RCSD1: variants seen among roughly 807,000 people sequenced by gnomAD.
RCSD1 encodes RCSD domain containing 1, also known as capZ-interacting protein.
Under a neutral mutation model 42.5 loss-of-function variants are expected in RCSD1, and 26 were observed. The ratio of observed to expected loss-of-function variants is 0.61; its 90% confidence interval spans 0.45 to 0.85. The LOEUF is 0.85. Ranked by LOEUF, RCSD1 falls within the 40% of genes least tolerant of loss-of-function variation. RCSD1 has a pLI of 0.00. For missense variants in RCSD1, 571 were observed against 528.3 expected (o/e 1.08, Z -0.79); for synonymous variants, 220 against 212.2 (o/e 1.04, Z -0.32).
intron 1 of RCSD1, among the ~76,000 whole-genome samples, chr1:167,675,417 G>A (rs1658926744): frequency 6.6e-6 from 1 of 152,042 alleles, no homozygotes; most frequent in Admixed American, 6.5e-5. Flanking sequence ...GATTTCATGA[G>A]ACTTATTCAC....
intron 1 of RCSD1, among the ~76,000 whole-genome samples, chr1:167,671,441 GC>G (rs1391157973): frequency 2.0e-5 from 3 of 152,116 alleles, no homozygotes; most frequent in African/African-American, 7.2e-5. Flanking sequence ...CCCGGAAGGG[GC>G]CAGCCCTTAT....
In RCSD1 at chr1:167,707,814, C is replaced by T. The variant is rs927827761; in HGVS notation, c.*3118C>T. Among the ~76,000 whole-genome samples the T allele has an allele frequency of 3.9e-5, 6 of 152,134 alleles. No individual in the cohort carries two copies. Among genetic ancestry groups the T allele is most frequent in the African/African-American group, 1.4e-4 (6 of 41,434 alleles). ...CCCAAGTACTGCAGTTACTTTTGCA[C>T]CAACCTAATAGCTCGGATTACAAGT... On this transcript the variant is annotated 3_prime_UTR_variant, in exon 7 of 7. Coordinates refer to ENST00000367854, the MANE Select transcript of RCSD1 (RefSeq NM_052862.4).
At chr1:167,677,337 T>C (rs571925140) in intron 1 of RCSD1, among the ~76,000 whole-genome samples, 2 of 152,344 alleles carry the variant, frequency 1.3e-5, no homozygotes, top group East Asian at 3.9e-4. Context: ...TCAGGATTTC[T>C]TACCCTCTAT....
chr1:167,680,568 C>A (rs1282726935), intron 1 of RCSD1, among the ~76,000 whole-genome samples: 2 of 152,080 alleles, frequency 1.3e-5, no homozygotes, highest in African/African-American at 4.8e-5. Context: ...GCAGCCTCGA[C>A]CAACTGGGCC....
intron 4 of RCSD1, among the ~76,000 whole-genome samples, chr1:167,690,847 G>T (rs1336375174): frequency 6.6e-6 from 1 of 152,128 alleles, no homozygotes; most frequent in Non-Finnish European, 1.5e-5. Flanking sequence ...GGACAAATTT[G>T]TTATTTGGGA....
chr1:167,658,619 C>T (rs60113997), intron 1 of RCSD1, among the ~76,000 whole-genome samples: 2,025 of 151,790 alleles, frequency 0.013, 47 homozygotes, highest in African/African-American at 0.047. Context: ...TTTGGAGAGA[C>T]GGAGTTCCAC....
At chr1:167,638,326 T>C (rs1353495381) in intron 1 of RCSD1, 1 of 152,256 alleles carries the variant, frequency 6.6e-6, no homozygotes, top group African/African-American at 2.4e-5. Context: ...ATGCCTACTA[T>C]ATATAGATGC....
intron 1 of RCSD1, among the ~76,000 whole-genome samples, chr1:167,635,439 C>T (rs1421089152): frequency 2.6e-5 from 4 of 152,132 alleles, no homozygotes; most frequent in Admixed American, 2.6e-4. Context: ...AAGGGCCCAG[C>T]CCAGGCCCTA....
At chr1:167,654,342 T>C (rs915119794) in intron 1 of RCSD1, among the ~76,000 whole-genome samples, 2 of 152,236 alleles carry the variant, frequency 1.3e-5, no homozygotes, top group South Asian at 2.1e-4. Context: ...AGGGATTATA[T>C]ACCATAGGGA....
intron 1 of RCSD1, among the ~76,000 whole-genome samples, chr1:167,683,404 T>C (rs1659131756): frequency 6.6e-6 from 1 of 152,246 alleles, no homozygotes; most frequent in African/African-American, 2.4e-5. Flanking sequence ...CACTGTGCTA[T>C]CTGCTCTCGT....
chr1:167,660,685 G>T (rs1658521522), intron 1 of RCSD1, among the ~76,000 whole-genome samples: 1 of 152,006 alleles, frequency 6.6e-6, no homozygotes, highest in African/African-American at 2.4e-5. Flanking sequence ...TGTTGTCCAG[G>T]GTGTTCTTGA....
chr1:167,658,053 G>A (rs529338405), intron 1 of RCSD1, among the ~76,000 whole-genome samples: 8 of 152,038 alleles, frequency 5.3e-5, no homozygotes, highest in Admixed American at 3.3e-4. Flanking sequence ...TCAGTCTCTC[G>A]AGTAACTGGG....
At chr1:167,650,401 C>T (rs943619162) in intron 1 of RCSD1, among the ~76,000 whole-genome samples, 1 of 152,170 alleles carries the variant, frequency 6.6e-6, no homozygotes, top group Non-Finnish European at 1.5e-5. Flanking sequence ...AAGCTCTGAG[C>T]AGCTGTTACA....
chr1:167,634,117 C>T (rs1425073152), intron 1 of RCSD1, among the ~76,000 whole-genome samples: 2 of 152,180 alleles, frequency 1.3e-5, no homozygotes, highest in Non-Finnish European at 2.9e-5. Context: ...AAATAGGGAA[C>T]TCCTTCCCCT....
At chr1:167,660,760 C>T (rs188999283) in intron 1 of RCSD1, among the ~76,000 whole-genome samples, 56 of 152,218 alleles carry the variant, frequency 3.7e-4, no homozygotes, top group Middle Eastern at 6.8e-3. Flanking sequence ...AGGTGTGAGC[C>T]GCCGTGCCCA....
At chr1:167,660,233 G>T (rs1450460413) in intron 1 of RCSD1, among the ~76,000 whole-genome samples, 1 of 152,178 alleles carries the variant, frequency 6.6e-6, no homozygotes, top group African/African-American at 2.4e-5. Flanking sequence ...GCTTACAGAG[G>T]TTGTTACTTG....
chr1:167,657,828 T>G (rs2102211690), intron 1 of RCSD1, among the ~76,000 whole-genome samples: 1 of 152,292 alleles, frequency 6.6e-6, no homozygotes, highest in East Asian at 1.9e-4. Context: ...CTTGACAACT[T>G]GCTTCCTTTT....
chr1:167,693,426 C>T (rs61808918), intron 4 of RCSD1, among the ~76,000 whole-genome samples: 8 of 152,300 alleles, frequency 5.3e-5, no homozygotes, highest in African/African-American at 1.2e-4. Flanking sequence ...TCATTTTGAT[C>T]GGGTCACACC....
chr1:167,674,866 T>C (rs1439809952), intron 1 of RCSD1, among the ~76,000 whole-genome samples: 1 of 152,198 alleles, frequency 6.6e-6, no homozygotes, highest in African/African-American at 2.4e-5. Flanking sequence ...TGTTTCTCCA[T>C]TTGTCAGTGA....
Sources: allele counts gnomAD v4.1 joint callset (sites outside exome capture counted in the v4.1 genomes callset), GRCh38; gene constraint gnomAD v4.1.1; transcripts MANE v1.5; gene names NCBI Gene and HGNC (gene_info 2026-07-23, HGNC 2026-07-21).